CSMD2: variants seen among roughly 807,000 people sequenced by gnomAD.
The protein encoded by CSMD2 is CUB and sushi domain-containing protein 2.
Under a neutral mutation model 398.5 loss-of-function variants are expected in CSMD2, and 130 were observed. The ratio of observed to expected loss-of-function variants is 0.33; its 90% CI spans 0.28 to 0.38. The LOEUF (loss-of-function observed/expected upper bound fraction) is 0.38. CSMD2 is among the 10% of genes least tolerant of loss of function. The pLI is 1.00. For missense variants in CSMD2, 3,829 were observed against 4,764.9 expected (o/e 0.80, Z 5.78); for synonymous variants, 1,828 against 1,908.5 (o/e 0.96, Z 1.10).
At position 33,698,922 on chromosome 1, in the gene CSMD2, C is replaced by T. The variant is rs764458373; in HGVS notation, c.3756G>A (p.Glu1252=). Residue 1252 remains glutamate (E), a synonymous_variant, in exon 24 of 71, where the codon GAG becomes GAA. Transcript: ENST00000373381. ...HFSSFELIKC[E]DPGTPKFGYK... is the part of the protein sequence containing the mutation. ...AGCCAAACTTGGGGGTTCCTGGGTC[C>T]TCACATTTGATGAGTTCAAAGCCTG... 2 of 1,613,814 alleles carry T rather than the reference C, an allele frequency of 1.2e-6. No individual in the cohort carries two copies. Among genetic ancestry groups the T allele is most frequent in the African/African-American group, 2.7e-5 (2 of 74,900 alleles).
intron 2 of CSMD2, 103 bp from the exon 3 acceptor site, chr1:34,032,809 GCA>G: frequency 1.3e-6 from 1 of 745,644 alleles, no homozygotes. Context: ...GCTGATCTAG[GCA>G]CACAGAGGGT....
In CSMD2 at chr1:33,739,260, C is replaced by G; in HGVS notation, c.2248G>C (p.Gly750Arg). The G allele has an allele frequency of 6.2e-7, 1 of 1,614,204 alleles. No individual in the cohort carries two copies. Among genetic ancestry groups the G allele is most frequent in the Non-Finnish European group, 8.5e-7 (1 of 1,180,036 alleles). The part of the protein sequence containing the change: ...GKRFGDSLQL[G>R]SSISFLCDEG... Reference sequence around the variant, plus strand: ...TCACAGAGGAAGGAGATGGAGCTGCCCAGCTGGAGGCTGTCCCCAAACCGT... The same window carrying G: ...TCACAGAGGAAGGAGATGGAGCTGCGCAGCTGGAGGCTGTCCCCAAACCGT... The change falls in exon 15 of 71, where the codon GGC (glycine) becomes CGC (arginine). Residue 750 changes from glycine (G) to arginine (R), a missense_variant. Physicochemically the swap from Gly to Arg is moderately radical, Grantham distance 125 (BLOSUM62 -2). Transcript: ENST00000373381.
chr1:33,656,051 G>C (rs1643935325), intron 27 of CSMD2, among the ~76,000 whole-genome samples: 1 of 151,744 alleles, frequency 6.6e-6, no homozygotes, highest in Non-Finnish European at 1.5e-5. Flanking sequence ...TCTCTCCTGG[G>C]CCTCAACAGA....
intron 3 of CSMD2, among the ~76,000 whole-genome samples, chr1:33,939,822 G>A (rs146065118): frequency 6.6e-6 from 1 of 152,256 alleles, no homozygotes; most frequent in East Asian, 1.9e-4. Flanking sequence ...GATGGAGAAA[G>A]GCCAGACTTT....
chr1:33,802,722 T>C (rs933467645), intron 10 of CSMD2, among the ~76,000 whole-genome samples: 5 of 152,124 alleles, frequency 3.3e-5, no homozygotes, highest in African/African-American at 1.2e-4. Flanking sequence ...AGCATCTTTC[T>C]CCCCCTGCTC....
At chr1:33,879,910 G>A (rs189425592) in intron 5 of CSMD2, among the ~76,000 whole-genome samples, 1 of 152,234 alleles carries the variant, frequency 6.6e-6, no homozygotes, top group Admixed American at 6.5e-5. Context: ...ATACTAATAT[G>A]TAACACTCAT....
intron 5 of CSMD2, among the ~76,000 whole-genome samples, chr1:33,856,231 G>A (rs530973026): frequency 6.6e-5 from 10 of 152,290 alleles, no homozygotes; most frequent in East Asian, 1.9e-4. Context: ...AGAGTAGACC[G>A]CAGAGCAGCC....
At chr1:33,718,395 G>A (rs554851861) in intron 19 of CSMD2, among the ~76,000 whole-genome samples, 7 of 152,322 alleles carry the variant, frequency 4.6e-5, no homozygotes, top group South Asian at 2.1e-4. Flanking sequence ...GCCCCATGTC[G>A]GAGCTTGAAT....
chr1:33,756,873 C>T (rs1234370641), intron 13 of CSMD2, among the ~76,000 whole-genome samples: 1 of 152,078 alleles, frequency 6.6e-6, no homozygotes, highest in African/African-American at 2.4e-5. Flanking sequence ...TTTATTGCGG[C>T]ATTATTCACA....
intron 1 of CSMD2, among the ~76,000 whole-genome samples, chr1:34,106,829 A>G (rs1315193459): frequency 6.6e-6 from 1 of 152,146 alleles, no homozygotes; most frequent in East Asian, 1.9e-4. Flanking sequence ...ATCCCATGCC[A>G]CTCAGCTTCC....
chr1:33,563,355 G>T (rs1570745098), intron 53 of CSMD2, among the ~76,000 whole-genome samples: 1 of 152,114 alleles, frequency 6.6e-6, no homozygotes, highest in Admixed American at 6.5e-5. Flanking sequence ...CTGGTGGAGG[G>T]ATTAACCATG....
rs954959838 is a variant in CSMD2 at position 33,587,072 on chromosome 1, G to T, written c.6937+16C>A. The T allele has an allele frequency of 6.3e-7, 1 of 1,584,446 alleles. No individual in the cohort carries two copies. The highest frequency in any genetic ancestry group is 8.6e-7 in the Non-Finnish European group (1 of 1,162,934). On this transcript the variant is annotated intron_variant, in intron 45 of 70. Transcript: ENST00000373381. ...AGTCCTGGGTTCACAGTCCTTGCTG[G>T]CTTGGGAGGTGGTACCTATATTGAA... is the stretch of plus-strand genomic sequence containing the variant.
intron 3 of CSMD2, among the ~76,000 whole-genome samples, chr1:34,010,713 G>C (rs972819112): frequency 6.6e-6 from 1 of 152,054 alleles, no homozygotes; most frequent in Admixed American, 6.5e-5. Flanking sequence ...CCGCCTCCCA[G>C]GTTCACGCCA....
intron 3 of CSMD2, among the ~76,000 whole-genome samples, chr1:33,987,473 T>C (rs983833582): frequency 6.6e-6 from 1 of 152,172 alleles, no homozygotes; most frequent in Non-Finnish European, 1.5e-5. Flanking sequence ...CCCAGGGAGT[T>C]GGGCATCAGA....
Position 33,790,762 on chromosome 1 carries a change from CATCT to C in CSMD2, c.1550+1657_1550+1660del, listed in dbSNP as rs1654174511. On this transcript the variant is annotated intron_variant, in intron 11 of 70. Transcript: ENST00000373381. ...ATCTATTTATCATCTATCTGTGTATCATCTATCATCTATCAATCAATCGTCTATC... is the reference window on the plus strand; with the variant it reads ...ATCTATTTATCATCTATCTGTGTATCATCATCTATCAATCAATCGTCTATC... 2.6e-5 allele frequency among the ~76,000 whole-genome samples: 4 copies of C among 151,432 alleles called. No individual in the cohort carries two copies. In the South Asian group the frequency reaches 8.3e-4, roughly 32 times the overall value.
At chr1:33,886,423 AG>A (rs1346908008) in intron 5 of CSMD2, among the ~76,000 whole-genome samples, 1 of 152,222 alleles carries the variant, frequency 6.6e-6, no homozygotes, top group Non-Finnish European at 1.5e-5. Context: ...CAGAACTGGC[AG>A]GACTTGGCAA....
intron 1 of CSMD2, among the ~76,000 whole-genome samples, chr1:34,146,316 G>A (rs1334434624): frequency 6.6e-6 from 1 of 152,178 alleles, no homozygotes; most frequent in East Asian, 1.9e-4. Context: ...GCCCCAGCAG[G>A]GAGCAGGTGT....
intron 5 of CSMD2, among the ~76,000 whole-genome samples, chr1:33,879,916 C>A (rs928223130): frequency 6.6e-6 from 1 of 152,144 alleles, no homozygotes; most frequent in African/African-American, 2.4e-5. Flanking sequence ...ATATGTAACA[C>A]TCATTGAGAG....
Position 33,519,601 on chromosome 1 carries a change from T to C in CSMD2, c.10813A>G (p.Met3605Val). The C allele has an allele frequency of 6.2e-7, 1 of 1,613,926 alleles. No homozygotes were observed. The highest frequency in any genetic ancestry group is 8.5e-7 in the Non-Finnish European group (1 of 1,179,948). ...GTGGGCTGGATGTTGCGGTCGTACA[T>C]TGGGTTCTCAAATGTGGCCCGAACA... Reference protein sequence around the residue: ...TNVRATFENPMYDRNIQPTDI... With the variant: ...TNVRATFENPVYDRNIQPTDI... The change falls in exon 70 of 71, where the codon ATG becomes GTG. Residue 3605 changes from methionine to valine, a missense_variant. Physicochemically the swap from Met to Val is conservative, Grantham distance 21. Transcript: ENST00000373381. The surrounding 1 kb of genome is among the most constrained non-coding windows in gnomAD (Gnocchi z 5.6).
Sources: allele counts gnomAD v4.1 joint callset (sites outside exome capture counted in the v4.1 genomes callset), GRCh38; gene constraint gnomAD v4.1.1; non-coding constraint Gnocchi (gnomAD v3.1); transcripts MANE v1.5; gene names NCBI Gene and HGNC (gene_info 2026-07-23, HGNC 2026-07-21).